The following COL15A1 variants were observed in gnomAD, a reference collection of about 807,000 sequenced individuals.
The protein encoded by COL15A1 is collagen alpha-1(XV) chain.
In COL15A1, 111 loss-of-function variants were observed where a neutral mutation model predicts 165.9. That is an observed-to-expected ratio of 0.67 (90% CI 0.57 to 0.78). The LOEUF is 0.78. Among genes scored for constraint, COL15A1 ranks in the 30% least tolerant of loss-of-function variants. The pLI, the probability that COL15A1 is intolerant of heterozygous loss-of-function variation, is 0.00. For missense variants in COL15A1, 1,745 were observed against 1,789.7 expected (o/e 0.98, Z 0.45); for synonymous variants, 659 against 674.8 (o/e 0.98, Z 0.36).
At chr9:99,010,914 T>C (rs1232526878) in intron 9 of COL15A1, among the ~76,000 whole-genome samples, 1 of 152,248 alleles carries the variant, frequency 6.6e-6, no homozygotes, top group Non-Finnish European at 1.5e-5. Context: ...CCTTCTGCAG[T>C]GCGACTGCTG....
Position 99,005,969 on chromosome 9 carries a change from G to A in COL15A1, c.1353+919G>A, listed in dbSNP as rs572028382. On this transcript the variant is annotated intron_variant, in intron 9 of 41. Coordinates refer to ENST00000375001, the MANE Select transcript of COL15A1 (RefSeq NM_001855.5). ...CCTAGCCTTGCTGACCACCTCTTGG[G>A]CCCGTCCTCTCTGCCTCTCAGCAGC... 9.2e-5 allele frequency among the ~76,000 whole-genome samples: 14 copies of A among 152,224 alleles called. 1 individual carries two copies. In the South Asian group the frequency reaches 2.7e-3, roughly 29 times the overall value.
At chr9:99,024,544 A>G (rs1839089356) in intron 14 of COL15A1, among the ~76,000 whole-genome samples, 1 of 152,150 alleles carries the variant, frequency 6.6e-6, no homozygotes, top group African/African-American at 2.4e-5. Context: ...CTGACCTCAC[A>G]GTTAATCAGA....
intron 12 of COL15A1, among the ~76,000 whole-genome samples, chr9:99,021,496 C>A (rs1477833136): frequency 1.3e-5 from 2 of 152,190 alleles, no homozygotes; most frequent in African/African-American, 4.8e-5. Context: ...TTTTTGACAG[C>A]CAAAACCTCC....
chr9:98,975,009 CTGT>C (rs1247816679), intron 2 of COL15A1, among the ~76,000 whole-genome samples: 1 of 150,700 alleles, frequency 6.6e-6, no homozygotes, highest in Non-Finnish European at 1.5e-5. Context: ...CGCTTTGAGT[CTGT>C]TGTTGGGATC....
intron 2 of COL15A1, among the ~76,000 whole-genome samples, chr9:98,960,369 A>G (rs1837846401): frequency 1.3e-5 from 2 of 152,108 alleles, no homozygotes; most frequent in East Asian, 3.9e-4. Flanking sequence ...CACTGAACGA[A>G]CCCCAGCCTG....
chr9:98,997,807 A>G (rs967678055), intron 6 of COL15A1: 1 of 152,296 alleles, frequency 6.6e-6, no homozygotes, highest in South Asian at 2.1e-4. Flanking sequence ...CTAGCTTGGC[A>G]TATGCCCAAG....
In COL15A1 at chr9:99,056,321, G is replaced by A. The variant is rs1488617646; in HGVS notation, c.3254G>A (p.Gly1085Glu). Reference sequence around the variant, plus strand: ...CCCCCAGGTGCTCCTGGTCTGCCTGGGCCACCTGGCTTTGGAAGACCTGGT... The same window carrying A: ...CCCCCAGGTGCTCCTGGTCTGCCTGAGCCACCTGGCTTTGGAAGACCTGGT... ...QGPPGAPGLP[G>E]PPGFGRPGDP... Residue 1085 changes from glycine (G) to glutamate (E), a missense_variant, in exon 35 of 42, where the codon GGG (glycine) becomes GAG (glutamate). Transcript: ENST00000375001. The A allele has an allele frequency of 6.2e-7, 1 of 1,614,034 alleles. No homozygotes were observed. Among genetic ancestry groups the A allele is most frequent in the Non-Finnish European group, 8.5e-7 (1 of 1,180,028 alleles).
At chr9:98,999,206 G>A (rs113267271) in intron 6 of COL15A1, among the ~76,000 whole-genome samples, 2 of 152,248 alleles carry the variant, frequency 1.3e-5, no homozygotes, top group South Asian at 4.1e-4. Context: ...TGAGCACAGC[G>A]TGTGTGGGAA....
chr9:99,056,809 T>C (rs190566685), intron 35 of COL15A1, among the ~76,000 whole-genome samples: 1 of 152,370 alleles, frequency 6.6e-6, no homozygotes, highest in African/African-American at 2.4e-5. Flanking sequence ...TCATATAATA[T>C]ATGGCCCTTT....
intron 2 of COL15A1, among the ~76,000 whole-genome samples, chr9:98,950,242 A>C (rs1262983444): frequency 6.6e-6 from 1 of 152,098 alleles, no homozygotes; most frequent in Non-Finnish European, 1.5e-5. Flanking sequence ...TCTGTGTTTC[A>C]AGTATGACGA....
rs1186473849 is a variant in COL15A1 at position 98,997,086 on chromosome 9, G to A, written c.952+5G>A. On this transcript the variant is annotated splice_donor_5th_base_variant and intron_variant, in intron 6 of 41. Coordinates refer to ENST00000375001, the MANE Select transcript of COL15A1 (RefSeq NM_001855.5). ...AGCACAGCAGCCCCAAACAAGGCAAGTCCGGATGCACATGCCTACGTAGTG... is the reference window on the plus strand; with the variant it reads ...AGCACAGCAGCCCCAAACAAGGCAAATCCGGATGCACATGCCTACGTAGTG... 6.2e-7 allele frequency: 1 copy of A among 1,614,058 alleles called. No homozygotes were observed. The highest frequency in any genetic ancestry group is 8.5e-7 in the Non-Finnish European group (1 of 1,180,034).
At chr9:98,999,877 T>C (rs1210391294) in intron 6 of COL15A1, among the ~76,000 whole-genome samples, 2 of 141,572 alleles carry the variant, frequency 1.4e-5, no homozygotes, top group Non-Finnish European at 3.1e-5. Context: ...TTTTTTGAGA[T>C]GGAATCTCAC....
chr9:99,064,943 T>A (rs1388114950), intron 39 of COL15A1, among the ~76,000 whole-genome samples: 5 of 152,054 alleles, frequency 3.3e-5, no homozygotes, highest in Admixed American at 2.0e-4. Flanking sequence ...CAACAATGCA[T>A]GAAAAGAATG....
intron 17 of COL15A1, 121 bp from the exon 18 acceptor site, chr9:99,034,893 C>A (rs560273507): frequency 3.1e-6 from 3 of 960,312 alleles, no homozygotes; most frequent in Non-Finnish European, 3.3e-6. Flanking sequence ...TAAGTGGTAC[C>A]GATCAGAGAA....
rs756415921 is a variant in COL15A1, at chr9:99,069,699, C to T, written c.3980C>T (p.Ser1327Phe). Reference sequence around the variant, plus strand: ...CCCCAGAAAGTCATTTGGCATGGCTCCAGCCCCCATGGCGTCCGCCTTGTG... The same window carrying T: ...CCCCAGAAAGTCATTTGGCATGGCTTCAGCCCCCATGGCGTCCGCCTTGTG... The part of the protein sequence containing the change: ...SWPQKVIWHG[S>F]SPHGVRLVDN... The change falls in exon 42 of 42, where the codon TCC (serine) becomes TTC (phenylalanine). Residue 1327 changes from serine (S) to phenylalanine (F), a missense_variant. Coordinates refer to ENST00000375001, the MANE Select transcript of COL15A1 (RefSeq NM_001855.5). The T allele has an allele frequency of 1.2e-6, 2 of 1,610,914 alleles. No individual in the cohort carries two copies. Among genetic ancestry groups the T allele is most frequent in the Non-Finnish European group, 1.7e-6 (2 of 1,177,182 alleles).
At chr9:99,069,054 C>T (rs753500595) in intron 41 of COL15A1, among the ~76,000 whole-genome samples, 1 of 152,214 alleles carries the variant, frequency 6.6e-6, no homozygotes, top group Non-Finnish European at 1.5e-5. Context: ...CTGTGATTTG[C>T]ACTCTAAATC....
chr9:99,040,729 G>A, intron 23 of COL15A1, 173 bp downstream of exon 23: 2 of 1,211,616 alleles, frequency 1.7e-6, no homozygotes, highest in Non-Finnish European at 1.2e-6. Context: ...ATGTTGCCCA[G>A]GCTGGTCTGG....
intron 2 of COL15A1, among the ~76,000 whole-genome samples, chr9:98,964,403 G>C (rs1837921376): frequency 1.3e-5 from 2 of 152,344 alleles, no homozygotes; most frequent in Middle Eastern, 3.4e-3. Context: ...GTCACCATCT[G>C]TTCTGGCTGT....
At position 99,005,022 on chromosome 9, in the gene COL15A1, C is replaced by T; in HGVS notation, c.1325C>T (p.Ala442Val). Residue 442 changes from alanine to valine, a missense_variant, in exon 9 of 42, where the codon GCC becomes GTC. Physicochemically the swap from Ala to Val is moderately conservative, Grantham distance 64. Coordinates refer to ENST00000375001, the MANE Select transcript of COL15A1 (RefSeq NM_001855.5). ...APGELDLSMS[A>V]QSLGEEATVG... ...GGGGAGCTGGACCTCTCCATGTCCG[C>T]CCAGAGCCTCGGGGAAGAGGCCACT... 6.2e-7 allele frequency: 1 copy of T among 1,612,010 alleles called. No individual in the cohort carries two copies. The highest frequency in any genetic ancestry group is 8.5e-7 in the Non-Finnish European group (1 of 1,179,030).
Sources: gnomAD v4.1 joint callset for allele counts (sites outside exome capture counted in the v4.1 genomes callset) on GRCh38, gnomAD v4.1.1 for gene constraint, MANE v1.5 for transcripts, NCBI Gene and HGNC (gene_info 2026-07-23, HGNC 2026-07-21) for gene names.